Variants in IL3RA observed in about 807,000 individuals in gnomAD.
The protein encoded by IL3RA is interleukin-3 receptor subunit alpha.
In IL3RA, 73 loss-of-function variants were observed where a neutral mutation model predicts 52.3. The observed-to-expected ratio is 1.40, with a 90% confidence interval of 1.16 to 1.70. The LOEUF (loss-of-function observed/expected upper bound fraction) is 1.70, where lower values mean the gene tolerates loss of function less well. Among genes scored for constraint, IL3RA ranks in the 40% most tolerant of loss-of-function variants. The probability of loss-of-function intolerance (pLI) is 0.00; values close to 1 mark genes in which losing one functional copy is unlikely to be tolerated. For missense variants in IL3RA, 664 were observed against 504.4 expected (o/e 1.32, Z -3.03); for synonymous variants, 260 against 194.0 (o/e 1.34, Z -2.83).
intron 3 of IL3RA, among the ~76,000 whole-genome samples, chrX:1,346,462 C>A (rs1451348593): frequency 6.6e-6 from 1 of 150,744 alleles, no homozygotes; most frequent in Non-Finnish European, 1.5e-5. Context: ...GAAAAATTAG[C>A]CGGATGTGGT....
intron 4 of IL3RA, among the ~76,000 whole-genome samples, chrX:1,349,010 T>G (rs1168059249): frequency 7.7e-6 from 1 of 129,686 alleles, no homozygotes; most frequent in African/African-American, 2.9e-5. Context: ...CTTCCCCTCC[T>G]CTCCCCTCTC....
At position 1,347,128 on chromosome X, in the gene IL3RA, T is replaced by A. The variant is rs187653582; in HGVS notation, c.184-1303T>A. Among the ~76,000 whole-genome samples the A allele has an allele frequency of 2.6e-4, 40 of 151,512 alleles. 1 individual carries two copies. The East Asian group carries it at 6.8e-3, about 26-fold the overall frequency. On this transcript the variant is annotated intron_variant, in intron 3 of 11. Coordinates refer to ENST00000331035, the MANE Select transcript of IL3RA (RefSeq NM_002183.4). ...ATATCAAAAGGCACTGAAAAGTTCATACCCAATGTGCGGATTGCTATAAGA... is the reference window on the plus strand; with the variant it reads ...ATATCAAAAGGCACTGAAAAGTTCAAACCCAATGTGCGGATTGCTATAAGA...
Position 1,378,719 on chromosome X carries a change from TG to T in IL3RA, c.939del (p.Thr314ArgfsTer10), listed in dbSNP as rs2149218137. 6.2e-7 allele frequency: 1 copy of T among 1,612,628 alleles called. No homozygotes were observed. The highest frequency in any genetic ancestry group is 1.1e-5 in the South Asian group (1 of 91,024). On this transcript the variant is annotated frameshift_variant, in exon 10 of 12. Coordinates refer to ENST00000331035, the MANE Select transcript of IL3RA (RefSeq NM_002183.4). LOFTEE classifies it high-confidence loss of function. ...TGGCGGACGTCGCTGCTGATCGCGC[TG>T]GGGACGCTGCTGGCCCTGGTCTGTG... ...RAWRTSLLIA[L>X]GTLLALVCVF... is the part of the protein sequence containing the mutation.
At chrX:1,354,217 G>T (rs2086436254) in intron 6 of IL3RA, among the ~76,000 whole-genome samples, 1 of 152,046 alleles carries the variant, frequency 6.6e-6, no homozygotes, top group Non-Finnish European at 1.5e-5. Flanking sequence ...TTCAGCCCAC[G>T]CCAGTCACCT....
At chrX:1,357,180 C>T (rs2086798092) in intron 7 of IL3RA, among the ~76,000 whole-genome samples, 1 of 152,154 alleles carries the variant, frequency 6.6e-6, no homozygotes, top group South Asian at 2.1e-4. Flanking sequence ...TCTCAAACTC[C>T]TGACCTCAGG....
Position 1,377,223 on chromosome X carries a change from TTTTC to T in IL3RA, c.875-1432_875-1429del, listed in dbSNP as rs1206840786. 1.8e-4 allele frequency among the ~76,000 whole-genome samples: 28 copies of T among 152,232 alleles called. No individual in the cohort carries two copies. In the South Asian group the frequency reaches 2.9e-3, roughly 16 times the overall value. On this transcript the variant is annotated intron_variant, in intron 9 of 11. Coordinates refer to ENST00000331035, the MANE Select transcript of IL3RA (RefSeq NM_002183.4). ...AGGACTGTGGGAGAATCAATTCCTT[TTTTC>T]TTTTTCTTTTTTCTTTTTTTTCCTC...
chrX:1,378,606 TGGTCCCCCCA>T, intron 9 of IL3RA, 43 bp from the exon 10 acceptor site: 1 of 1,481,246 alleles, frequency 6.8e-7, no homozygotes, highest in Non-Finnish European at 9.3e-7. Context: ...TTACAGTCCC[TGGTCCCCCCA>T]GGACGGCCCC....
Position 1,341,751 on chromosome X carries a change from G to A in IL3RA, c.-15G>A, listed in dbSNP as rs367686619. ...AGCAGGCACCTCTGTCCTGCGTTCC[G>A]GAGCTGCGTTCCCGATGGTCCTCCT... On this transcript the variant is annotated 5_prime_UTR_variant, in exon 2 of 12. Coordinates refer to ENST00000331035, the MANE Select transcript of IL3RA (RefSeq NM_002183.4). The A allele has an allele frequency of 2.1e-5, 34 of 1,613,562 alleles. No homozygotes were observed. Among genetic ancestry groups the A allele is most frequent in the African/African-American group, 6.7e-5 (5 of 74,872 alleles).
At chrX:1,362,539 T>C (rs1441127091) in intron 8 of IL3RA, among the ~76,000 whole-genome samples, 1 of 145,004 alleles carries the variant, frequency 6.9e-6, no homozygotes, top group Non-Finnish European at 1.5e-5. Flanking sequence ...TCTCTCTCCC[T>C]CTCTCTGTCT....
At chrX:1,367,799 CCGGGTG>C (rs2088267069) in intron 9 of IL3RA, among the ~76,000 whole-genome samples, 3 of 145,858 alleles carry the variant, frequency 2.1e-5, no homozygotes, top group African/African-American at 7.7e-5. Context: ...GCGGGGTGCG[CCGGGTG>C]AGCGGGGTGC....
chrX:1,342,955 A>G (rs113739387), intron 2 of IL3RA, among the ~76,000 whole-genome samples: 25 of 151,668 alleles, frequency 1.6e-4, no homozygotes, highest in East Asian at 1.2e-3. Context: ...GGCGCCTGTA[A>G]TCCCAGTTAC....
Position 1,352,122 on chromosome X carries a change from G to T in IL3RA, c.321G>T (p.Ala107=). ...CAGGTGGGAAGCCTTGGGCAGGTGC[G>T]GAGAATCTGACCTGCTGGATTCATG... The part of the protein sequence containing the change: ...PENSGKPWAG[A]ENLTCWIHDV... The change falls in exon 5 of 12, where the codon GCG becomes GCT. Residue 107 remains alanine, a synonymous_variant. Transcript: ENST00000331035. 1.2e-6 allele frequency: 2 copies of T among 1,613,782 alleles called. No homozygotes were observed. Among genetic ancestry groups the T allele is most frequent in the Non-Finnish European group, 1.7e-6 (2 of 1,179,816 alleles).
intron 8 of IL3RA, among the ~76,000 whole-genome samples, chrX:1,363,356 A>G (rs187052508): frequency 0.045 from 6,504 of 143,856 alleles, 213 homozygotes; most frequent in South Asian, 0.071. Context: ...GCTGGAGTGC[A>G]GTGGCGCAAT....
In IL3RA at chrX:1,377,929, T is replaced by C. The variant is rs377102687; in HGVS notation, c.875-730T>C. Among the ~76,000 whole-genome samples the C allele has an allele frequency of 2.7e-5, 4 of 149,372 alleles. 1 individual carries two copies. In the East Asian group the frequency reaches 7.9e-4, roughly 29 times the overall value. ...AGGCCGGGTGCGTGGCTGACGCCTG[T>C]AATCCCAGCACTTTGGGAGGCCGAG... On this transcript the variant is annotated intron_variant, in intron 9 of 11. Coordinates refer to ENST00000331035, the MANE Select transcript of IL3RA (RefSeq NM_002183.4).
chrX:1,348,577 C>CTA (rs1337597041), intron 4 of IL3RA, 32 bp downstream of exon 4: 3 of 1,502,476 alleles, frequency 2.0e-6, no homozygotes, highest in African/African-American at 1.4e-5. Context: ...TGTTTATTCT[C>CTA]TATTCCCTCC....
rs189551070 is a variant in IL3RA at position 1,362,297 on chromosome X, C to G, written c.760-2841C>G. On this transcript the variant is annotated intron_variant, in intron 8 of 11. Transcript: ENST00000331035. ...TTTTCTCTTTCCCTCTCTGTCTCCC[C>G]TCTCTGTGTCTCTTTGTATCTCCGT... Among the ~76,000 whole-genome samples, 172 of 151,736 alleles carry G rather than the reference C, an allele frequency of 1.1e-3. 3 individuals are homozygous for G. In the East Asian group the frequency reaches 0.03, roughly 27 times the overall value.
intron 4 of IL3RA, among the ~76,000 whole-genome samples, chrX:1,351,194 G>A (rs1434456224): frequency 1.3e-5 from 2 of 152,102 alleles, no homozygotes; most frequent in Non-Finnish European, 1.5e-5. Flanking sequence ...GCGACGGAGC[G>A]AGACTCTGTA....
chrX:1,381,435 C>T (rs540184821), intron 11 of IL3RA, among the ~76,000 whole-genome samples: 8 of 152,028 alleles, frequency 5.3e-5, no homozygotes, highest in Admixed American at 3.3e-4. Flanking sequence ...CGCTGGTGGG[C>T]GGCTGGGAAA....
intron 3 of IL3RA, among the ~76,000 whole-genome samples, chrX:1,346,497 T>C (rs2085749230): frequency 6.8e-6 from 1 of 146,338 alleles, no homozygotes; most frequent in South Asian, 2.2e-4. Flanking sequence ...ATACCAGCTA[T>C]TCAGGAGGCT....
Sources: gnomAD v4.1 joint callset for allele counts (sites outside exome capture counted in the v4.1 genomes callset) on GRCh38, gnomAD v4.1.1 for gene constraint, MANE v1.5 for transcripts, NCBI Gene and HGNC (gene_info 2026-07-23, HGNC 2026-07-21) for gene names.